Variants in EFHC2 observed in about 807,000 individuals in gnomAD.
EFHC2 encodes the protein EF-hand domain containing 2.
A neutral mutation model predicts 52.7 loss-of-function variants in EFHC2; 18 were observed. That is an observed-to-expected ratio of 0.34 (90% CI 0.24 to 0.51). EFHC2 has a LOEUF of 0.51. Ranked by LOEUF, EFHC2 falls within the 20% of genes least tolerant of loss-of-function variation. The pLI is 0.97. For synonymous variants in EFHC2, 203 were observed against 204.1 expected, an observed-to-expected ratio of 0.99 and a Z score of 0.04; for missense variants, 513 against 562.5, an observed-to-expected ratio of 0.91 and a Z score of 0.89.
chrX:44,217,497 T>C (rs1256063470), intron 11 of EFHC2, among the ~76,000 whole-genome samples: 1 of 110,864 alleles, frequency 9.0e-6, no homozygotes, highest in Admixed American at 9.6e-5. Context: ...GGTAAGTAAA[T>C]AAGGAAAACG....
At chrX:44,275,770 C>T (rs372039473) in intron 2 of EFHC2, among the ~76,000 whole-genome samples, 1 of 108,248 alleles carries the variant, frequency 9.2e-6, no homozygotes, top group Non-Finnish European at 1.9e-5. Context: ...AAAAATTAGC[C>T]GTGCGTGCTG....
intron 12 of EFHC2, 23 bp from the exon 13 acceptor site, chrX:44,176,407 A>G: frequency 9.5e-7 from 1 of 1,055,996 alleles, no homozygotes; most frequent in Non-Finnish European, 1.3e-6. Flanking sequence ...AACGTAAATG[A>G]GCTTTTATAT....
chrX:44,222,621 G>T (rs959697575), intron 11 of EFHC2, among the ~76,000 whole-genome samples: 2 of 111,472 alleles, frequency 1.8e-5, no homozygotes, highest in Non-Finnish European at 3.8e-5. Context: ...ACTAAAACTA[G>T]GTAGGTGCTT....
chrX:44,340,856 G>A (rs774698862), intron 1 of EFHC2, among the ~76,000 whole-genome samples: 29 of 112,143 alleles, frequency 2.6e-4, no homozygotes, highest in Admixed American at 1.8e-3. Flanking sequence ...AACATAAAAT[G>A]CTGTTGGGAA....
At position 44,232,628 on chromosome X, in the gene EFHC2, T is replaced by C; in HGVS notation, c.1473A>G (p.Gly491=). The C allele has an allele frequency of 8.3e-7, 1 of 1,199,303 alleles. No individual in the cohort carries two copies. Among genetic ancestry groups the C allele is most frequent in the Non-Finnish European group, 1.1e-6 (1 of 888,885 alleles). The change falls in exon 10 of 15, where the codon GGA becomes GGG. Residue 491 remains glycine (G), a synonymous_variant. Transcript: ENST00000420999. ...ATAGTTCACTTTTAAAGACTTCTTG[T>C]CCAGGCTTCTTAACGCGACTTCTTT... ...FLKRSRVKKP[G]QEVFKSELSE...
intron 11 of EFHC2, among the ~76,000 whole-genome samples, chrX:44,198,360 C>T (rs774792385): frequency 1.1e-4 from 12 of 111,545 alleles, no homozygotes; most frequent in African/African-American, 3.9e-4. Context: ...GAAGCCTAAG[C>T]GTGATTAAGA....
chrX:44,224,804 A>C (rs1199858148), intron 11 of EFHC2, among the ~76,000 whole-genome samples: 1 of 112,261 alleles, frequency 8.9e-6, no homozygotes. Context: ...ACCAAAATAC[A>C]CACAGGCTAC....
At chrX:44,277,281 A>AG (rs35893563) in intron 2 of EFHC2, among the ~76,000 whole-genome samples, 11,029 of 101,896 alleles carry the variant, frequency 0.11, 869 homozygotes, top group African/African-American at 0.2. Flanking sequence ...AAAAAAAAAA[A>AG]TCTTACAGCT....
intron 1 of EFHC2, among the ~76,000 whole-genome samples, chrX:44,338,989 G>A (rs181775341): frequency 0.022 from 2,407 of 110,574 alleles, 75 homozygotes; most frequent in African/African-American, 0.076. Context: ...TCAGGAGTTC[G>A]AGACCAGCCT....
At chrX:44,336,406 A>T (rs949405557) in intron 1 of EFHC2, among the ~76,000 whole-genome samples, 1 of 110,019 alleles carries the variant, frequency 9.1e-6, no homozygotes, top group Admixed American at 9.8e-5. Flanking sequence ...AGAGAGAGAG[A>T]GAAAAGAGGA....
intron 11 of EFHC2, among the ~76,000 whole-genome samples, chrX:44,199,086 A>T (rs897460669): frequency 8.9e-6 from 1 of 112,970 alleles, no homozygotes; most frequent in African/African-American, 3.2e-5. Flanking sequence ...ATTGAAAGGT[A>T]ATCCCCAGCG....
At chrX:44,191,318 C>T (rs940257299) in intron 11 of EFHC2, among the ~76,000 whole-genome samples, 2 of 110,829 alleles carry the variant, frequency 1.8e-5, no homozygotes, top group Non-Finnish European at 3.8e-5. Flanking sequence ...TCACTGTAAC[C>T]TCCGCCTCCC....
chrX:44,258,589 G>A (rs1363741590), intron 4 of EFHC2, among the ~76,000 whole-genome samples: 3 of 111,172 alleles, frequency 2.7e-5, no homozygotes, highest in Admixed American at 9.6e-5. Context: ...ACCATCTCAC[G>A]CCAGTTAGAA....
intron 2 of EFHC2, chrX:44,310,219 A>C: frequency 2.8e-6 from 2 of 717,149 alleles, no homozygotes; most frequent in Non-Finnish European, 2.2e-6. Flanking sequence ...ATATCATGGT[A>C]CTCGATGGGG....
At chrX:44,271,220 T>C in intron 3 of EFHC2, among the ~76,000 whole-genome samples, 1 of 111,599 alleles carries the variant, frequency 9.0e-6, no homozygotes, top group Non-Finnish European at 1.9e-5. Context: ...CTCTCCCTGC[T>C]GCATACAGAA....
chrX:44,329,178 C>T (rs147102731), intron 1 of EFHC2, among the ~76,000 whole-genome samples: 122 of 111,305 alleles, frequency 1.1e-3, no homozygotes, highest in Middle Eastern at 9.3e-3. Flanking sequence ...TACAAACTAA[C>T]GCATGCAGTC....
At chrX:44,281,468 CA>C (rs1170187676) in intron 2 of EFHC2, among the ~76,000 whole-genome samples, 2 of 111,322 alleles carry the variant, frequency 1.8e-5, no homozygotes, top group East Asian at 5.6e-4. Context: ...TATCAATAAG[CA>C]AAAAAAGTAC....
Position 44,343,656 on chromosome X carries a change from C to T in EFHC2, c.-68G>A, listed in dbSNP as rs756892351. 4 of 1,080,835 alleles carry T rather than the reference C, an allele frequency of 3.7e-6. No individual in the cohort carries two copies. Among genetic ancestry groups the T allele is most frequent in the East Asian group, 3.9e-5 (1 of 25,970 alleles). The allele number at this position is 1,080,835 out of a possible 1,213,427, so 89.1% of individuals were successfully genotyped here. On this transcript the variant is annotated 5_prime_UTR_variant, in exon 1 of 15. Transcript: ENST00000420999. ...CCGGCAGGCAGCGGCGCCTCCCGGC[C>T]GTGTTGTTTGGCCCCCACGTTGCCT...
intron 11 of EFHC2, among the ~76,000 whole-genome samples, chrX:44,225,395 G>A (rs73628327): frequency 3.7e-4 from 41 of 111,060 alleles, no homozygotes; most frequent in East Asian, 3.1e-3. Flanking sequence ...TTATACAGAG[G>A]TAGTTTATCA....
Sources: gnomAD v4.1 joint callset for allele counts (sites outside exome capture counted in the v4.1 genomes callset) on GRCh38, gnomAD v4.1.1 for gene constraint, MANE v1.5 for transcripts, NCBI Gene and HGNC (gene_info 2026-07-23, HGNC 2026-07-21) for gene names.